The following CRB1 variants were observed in gnomAD, a reference collection of about 807,000 sequenced individuals.
CRB1 encodes protein crumbs homolog 1.
CRB1 carries 83 observed loss-of-function variants against 120.0 expected under a neutral mutation model. That is an observed-to-expected ratio of 0.69 (90% CI 0.58 to 0.83). The LOEUF is 0.83. Ranked by LOEUF, CRB1 falls within the 40% of genes least tolerant of loss-of-function variation. The pLI is 0.00. For missense variants in CRB1, 1,699 were observed against 1,687.6 expected (o/e 1.01, Z -0.12); for synonymous variants, 625 against 612.5 (o/e 1.02, Z -0.30).
At chr1:197,359,067 G>A (rs533217742) in intron 5 of CRB1, among the ~76,000 whole-genome samples, 1 of 152,152 alleles carries the variant, frequency 6.6e-6, no homozygotes, top group African/African-American at 2.4e-5. Flanking sequence ...GTATATTTAT[G>A]TGCAGTTTTA....
intron 5 of CRB1, among the ~76,000 whole-genome samples, chr1:197,416,005 G>A (rs185010693): frequency 6.6e-6 from 1 of 152,010 alleles, no homozygotes; most frequent in Non-Finnish European, 1.5e-5. Context: ...ATTTCTATAA[G>A]ACCTTCCCAG....
At chr1:197,227,696 C>T in the CRB1 span, among the ~76,000 whole-genome samples, 1 of 152,056 alleles carries the variant, frequency 6.6e-6, no homozygotes, top group Non-Finnish European at 1.5e-5. Context: ...GGGACAGTGG[C>T]CTGCTCCTAG....
chr1:197,442,819 A>G (rs1253217677), intron 11 of CRB1: 5 of 208,052 alleles, frequency 2.4e-5, no homozygotes, highest in Middle Eastern at 2.0e-3. Flanking sequence ...TCTATTATTT[A>G]TGACACAAAA....
chr1:197,348,642 A>G (rs1323439112), intron 4 of CRB1, among the ~76,000 whole-genome samples: 1 of 151,816 alleles, frequency 6.6e-6, no homozygotes, highest in African/African-American at 2.4e-5. Context: ...ATGCCCGGCT[A>G]ATTTTTTGTA....
the CRB1 span, among the ~76,000 whole-genome samples, chr1:197,225,174 G>A: frequency 3.9e-5 from 6 of 151,980 alleles, no homozygotes; most frequent in South Asian, 2.1e-4. Context: ...GAACTCCACC[G>A]AGATGGCCTG....
At chr1:197,264,873 C>T (rs1202721553), upstream of CRB1, among the ~76,000 whole-genome samples, 1 of 151,818 alleles carries the variant, frequency 6.6e-6, no homozygotes, top group Non-Finnish European at 1.5e-5. Context: ...GATCCACCCG[C>T]CTCAGCCTCC....
intron 1 of CRB1, among the ~76,000 whole-genome samples, chr1:197,296,952 T>C (rs891370959): frequency 6.6e-6 from 1 of 152,064 alleles, no homozygotes; most frequent in African/African-American, 2.4e-5. Context: ...CTTTATAAAT[T>C]ACCCAGTCTC....
Position 197,380,866 on chromosome 1 carries a change from C to G in CRB1, c.1171+23853C>G, listed in dbSNP as rs1661920059. 2.0e-5 allele frequency among the ~76,000 whole-genome samples: 3 copies of G among 152,178 alleles called. No homozygotes were observed. The South Asian group carries it at 6.2e-4, about 32-fold the overall frequency. ...ACACAAAGCAGCCCTGCAGGACTGA[C>G]AAGGCCCAGGAGCCAGCGCAAGTGT... On this transcript the variant is annotated intron_variant, in intron 5 of 11. Coordinates refer to ENST00000367400, the MANE Select transcript of CRB1 (RefSeq NM_201253.3).
chr1:197,438,807 A>C lies in CRB1; in HGVS notation c.3878+132A>C, dbSNP rs965548760. 7.1e-6 allele frequency: 8 copies of C among 1,133,104 alleles called. No individual in the cohort carries two copies. In the African/African-American group the frequency reaches 1.2e-4, roughly 18 times the overall value. The allele number at this position is 1,133,104 out of a possible 1,614,324, so 70.2% of individuals were successfully genotyped here. ...AATCTATGCTGAAATAGAGGTTCAG[A>C]CAGAATGAAACAATAAAAAAGAAGA... On this transcript the variant is annotated intron_variant, in intron 10 of 11. Coordinates refer to ENST00000367400, the MANE Select transcript of CRB1 (RefSeq NM_201253.3).
At chr1:197,351,339 T>C (rs1660086582) in intron 4 of CRB1, among the ~76,000 whole-genome samples, 1 of 120,766 alleles carries the variant, frequency 8.3e-6, no homozygotes, top group Non-Finnish European at 1.6e-5. Flanking sequence ...CAGCCTGTAC[T>C]CCAGGGCGAG....
intron 1 of CRB1, among the ~76,000 whole-genome samples, chr1:197,272,881 C>G (rs1275227948): frequency 4.6e-5 from 7 of 152,106 alleles, no homozygotes; most frequent in African/African-American, 1.2e-4. Context: ...AAGAGTCAAT[C>G]TAATTGCATG....
intron 5 of CRB1, among the ~76,000 whole-genome samples, chr1:197,358,501 ATGACTATATGAGTTAAGATGTCC>A (rs1660603824): frequency 6.6e-6 from 1 of 152,196 alleles, no homozygotes; most frequent in Non-Finnish European, 1.5e-5. Context: ...GCTGCCAGGA[ATGACTATATGAGTTAAGATGTCC>A]TGACTGCCCC....
chr1:197,275,336 AT>A (rs1443305839), intron 1 of CRB1, among the ~76,000 whole-genome samples: 1 of 152,080 alleles, frequency 6.6e-6, no homozygotes, highest in Non-Finnish European at 1.5e-5. Flanking sequence ...CTGATATATG[AT>A]TTAAAAAACA....
chr1:197,329,984 T>G (rs891274968), intron 2 of CRB1, among the ~76,000 whole-genome samples: 1 of 152,216 alleles, frequency 6.6e-6, no homozygotes, highest in African/African-American at 2.4e-5. Flanking sequence ...CTTTCACACT[T>G]AGTTCTTTAT....
chr1:197,343,837 A>G (rs1659608725), intron 2 of CRB1, among the ~76,000 whole-genome samples: 1 of 152,206 alleles, frequency 6.6e-6, no homozygotes, highest in African/African-American at 2.4e-5. Flanking sequence ...AGCTTGCCCA[A>G]GGTCATACAG....
chr1:197,417,632 G>A (rs1018302177), intron 5 of CRB1, among the ~76,000 whole-genome samples: 1 of 152,200 alleles, frequency 6.6e-6, no homozygotes, highest in African/African-American at 2.4e-5. Flanking sequence ...GTGAGTCTCA[G>A]CTGCAGGAAT....
the CRB1 span, among the ~76,000 whole-genome samples, chr1:197,214,453 C>T: frequency 6.6e-6 from 1 of 152,092 alleles, no homozygotes; most frequent in African/African-American, 2.4e-5. Context: ...TCCACAGGGC[C>T]TACTCTGGGA....
Position 197,268,457 on chromosome 1 carries a change from T to C in CRB1, c.45T>C (p.Ser15=). The change falls in exon 1 of 12, where the codon AGT becomes AGC. Residue 15 remains serine (S), a synonymous_variant. Transcript: ENST00000367400. The part of the protein sequence containing the change: ...NINYLLIFYL[S]FSLLIYIKNS... ...ACTACCTTCTCATCTTCTACCTCAG[T>C]TTCTCACTGCTTATCTACATAAAAA... 1 of 1,613,052 alleles carries C rather than the reference T, an allele frequency of 6.2e-7. No homozygotes were observed. The highest frequency in any genetic ancestry group is 8.5e-7 in the Non-Finnish European group (1 of 1,179,060).
intron 5 of CRB1, among the ~76,000 whole-genome samples, chr1:197,419,207 C>A (rs944440226): frequency 6.6e-6 from 1 of 152,070 alleles, no homozygotes; most frequent in Non-Finnish European, 1.5e-5. Flanking sequence ...GGGTTCTGAT[C>A]CAACATTATC....
Sources: allele counts gnomAD v4.1 joint callset (sites outside exome capture counted in the v4.1 genomes callset), GRCh38; gene constraint gnomAD v4.1.1; transcripts MANE v1.5; gene names NCBI Gene and HGNC (gene_info 2026-07-23, HGNC 2026-07-21).